The following SULF1 variants were observed in gnomAD, a reference collection of about 807,000 sequenced individuals.
SULF1 encodes sulfatase 1, also known as extracellular sulfatase Sulf-1.
SULF1 carries 46 observed loss-of-function variants against 110.5 expected under a neutral mutation model. The observed-to-expected ratio is 0.42, with a 90% CI of 0.33 to 0.53. SULF1 has a LOEUF of 0.53. SULF1 is among the 20% of genes least tolerant of loss of function. The pLI is 0.12. For missense variants in SULF1, 941 were observed against 1,094.2 expected (o/e 0.86, Z 1.98); for synonymous variants, 371 against 387.1 (o/e 0.96, Z 0.49).
At chr8:69,514,761 C>T (rs533021769) in intron 3 of SULF1, among the ~76,000 whole-genome samples, 1 of 152,292 alleles carries the variant, frequency 6.6e-6, no homozygotes, top group African/African-American at 2.4e-5. Flanking sequence ...TGGGTAAATG[C>T]TCATGTTCCA....
chr8:69,520,725 A>G lies in SULF1; in HGVS notation c.-134+18757A>G, dbSNP rs116754994. 7.0e-3 allele frequency among the ~76,000 whole-genome samples: 1,070 copies of G among 152,282 alleles called. 18 individuals carry two copies. The highest frequency in any genetic ancestry group is 0.024 in the African/African-American group (1,016 of 41,554). On this transcript the variant is annotated intron_variant, in intron 3 of 22. Transcript: ENST00000402687. ...AGGCTTTGCCAAAGCCTTAGGTTCC[A>G]CCTGGTTTGGGGTTGAAACCACATG...
chr8:69,588,354 A>C (rs2150770036), intron 7 of SULF1, among the ~76,000 whole-genome samples: 1 of 152,296 alleles, frequency 6.6e-6, no homozygotes, highest in South Asian at 2.1e-4. Flanking sequence ...GTTTCAAGTA[A>C]ATTAACTGAT....
intron 3 of SULF1, among the ~76,000 whole-genome samples, chr8:69,537,703 C>T (rs1011503927): frequency 1.3e-5 from 2 of 152,146 alleles, no homozygotes; most frequent in Non-Finnish European, 2.9e-5. Flanking sequence ...TGTCAGGGGA[C>T]ACTGAGGCTA....
upstream of SULF1, chr8:69,492,702 A>T (rs896808195): frequency 6.6e-6 from 1 of 152,384 alleles, no homozygotes; most frequent in Non-Finnish European, 1.5e-5. Flanking sequence ...CCGTGTCCCG[A>T]AATTCACCCT....
intron 3 of SULF1, among the ~76,000 whole-genome samples, chr8:69,540,190 C>T (rs1374944804): frequency 6.6e-6 from 1 of 152,078 alleles, no homozygotes; most frequent in Non-Finnish European, 1.5e-5. Context: ...CATATGGCCA[C>T]CAGATTCATC....
At chr8:69,500,780 GGGTGGCATAAAACTAGC>G (rs1439766575) in intron 2 of SULF1, among the ~76,000 whole-genome samples, 1 of 152,164 alleles carries the variant, frequency 6.6e-6, no homozygotes, top group East Asian at 1.9e-4. Context: ...ACATTGCAGA[GGGTGGCATAAAACTAGC>G]GGCGGCGGAG....
At chr8:69,485,475 T>A (rs1002434854) in intron 1 of SULF1, among the ~76,000 whole-genome samples, 1 of 152,200 alleles carries the variant, frequency 6.6e-6, no homozygotes, top group Non-Finnish European at 1.5e-5. Context: ...CTGTTGTCAC[T>A]CCCTTGGCTG....
chr8:69,545,049 T>C (rs1364909928), intron 3 of SULF1, among the ~76,000 whole-genome samples: 3 of 151,662 alleles, frequency 2.0e-5, no homozygotes, highest in Non-Finnish European at 2.9e-5. Context: ...TAAAATATAC[T>C]TGAATCCTAA....
Position 69,642,447 on chromosome 8 carries a change from G to T in SULF1, c.2585+1606G>T, listed in dbSNP as rs183328208. On this transcript the variant is annotated intron_variant, in intron 22 of 22. Transcript: ENST00000402687. ...TTTTCTCTTGTTCTTCATCTTAACT[G>T]TCCTCAATCTGCCCCACACCAACCC... is the stretch of plus-strand genomic sequence containing the variant. The T allele has an allele frequency of 6.2e-5, 60 of 971,110 alleles. 1 individual carries two copies. The Middle Eastern group carries it at 2.1e-3, about 34-fold the overall frequency. The allele number at this position is 971,110 out of a possible 1,614,324, so 60.2% of individuals were successfully genotyped here.
intron 13 of SULF1, among the ~76,000 whole-genome samples, chr8:69,616,104 TATATGTGTGTGTATATATAATGTG>T (rs1307286164): frequency 3.7e-5 from 5 of 136,662 alleles, no homozygotes; most frequent in Non-Finnish European, 8.2e-5. Context: ...TATACACACA[TATATGTGTGTGTATATATAATGTG>T]TATATATATA....
intron 3 of SULF1, among the ~76,000 whole-genome samples, chr8:69,514,415 G>A (rs1046867856): frequency 6.6e-6 from 1 of 152,120 alleles, no homozygotes; most frequent in Non-Finnish European, 1.5e-5. Flanking sequence ...CAGCAAGGGG[G>A]AAATTCACCC....
At chr8:69,631,000 G>C (rs957669210) in intron 19 of SULF1, among the ~76,000 whole-genome samples, 15 of 151,718 alleles carry the variant, frequency 9.9e-5, no homozygotes, top group Admixed American at 3.9e-4. Context: ...CCCGGTGTGT[G>C]ATGTTCCTCT....
rs141225696 is a variant in SULF1, at chr8:69,554,978, CAAAAAAA to C, written c.-133-8547_-133-8541del. Among the ~76,000 whole-genome samples, 133 of 63,486 alleles carry C rather than the reference CAAAAAAA, an allele frequency of 2.1e-3. 3 individuals carry two copies. The highest frequency in any genetic ancestry group is 0.012 in the African/African-American group (120 of 10,064). The allele number at this position is 63,486 out of a possible 152,430, so 41.6% of individuals were successfully genotyped here. A position where few individuals can be genotyped will look rare whatever the true frequency, so the allele number is the denominator to read the frequency against. On this transcript the variant is annotated intron_variant, in intron 3 of 22. Transcript: ENST00000402687. Reference sequence around the variant, plus strand: ...TGGGCGACAGGGCGAGATTCCATCTCAAAAAAAAAAAAAAAAAAAACAAAAAAAAAAA... The same window carrying C: ...TGGGCGACAGGGCGAGATTCCATCTCAAAAAAAAAAAAACAAAAAAAAAAA...
intron 3 of SULF1, among the ~76,000 whole-genome samples, chr8:69,549,191 G>C (rs1814513201): frequency 6.6e-6 from 1 of 152,222 alleles, no homozygotes; most frequent in South Asian, 2.1e-4. Flanking sequence ...ACAGCTTGGA[G>C]CAGCATGGAG....
intron 13 of SULF1, among the ~76,000 whole-genome samples, chr8:69,608,068 G>T (rs1469410449): frequency 6.6e-6 from 1 of 152,128 alleles, no homozygotes; most frequent in Non-Finnish European, 1.5e-5. Flanking sequence ...TCACCTAAAG[G>T]TTGTTTGGTG....
intron 3 of SULF1, among the ~76,000 whole-genome samples, chr8:69,503,048 C>T (rs1045795526): frequency 1.5e-4 from 23 of 152,178 alleles, no homozygotes; most frequent in African/African-American, 4.6e-4. Flanking sequence ...GTCCTGTAAT[C>T]ACCAAAACTT....
At chr8:69,500,197 C>A (rs972310018) in intron 2 of SULF1, among the ~76,000 whole-genome samples, 2 of 152,174 alleles carry the variant, frequency 1.3e-5, no homozygotes, top group South Asian at 4.1e-4. Context: ...AAAAATCAGT[C>A]CAAGTAATAA....
At chr8:69,629,156 C>T (rs145698808) in intron 18 of SULF1, among the ~76,000 whole-genome samples, 1 of 152,106 alleles carries the variant, frequency 6.6e-6, no homozygotes, top group Non-Finnish European at 1.5e-5. Flanking sequence ...GCCTCATCCT[C>T]CCTAGTAGCT....
In SULF1 at chr8:69,604,844, A is replaced by C. The variant is rs767366122; in HGVS notation, c.1289A>C (p.Gln430Pro). 1.2e-5 allele frequency: 19 copies of C among 1,614,094 alleles called. No individual in the cohort carries two copies. In the East Asian group the frequency reaches 4.0e-4, roughly 34 times the overall value. The stretch of plus-strand genomic sequence containing the variant: ...AAGGAAGAATCCAGCAAGAATATCC[A>C]ACAGTCAAATCACTTGCCCAAATAT... ...RKKEESSKNI[Q>P]QSNHLPKYER... is the part of the protein sequence containing the mutation. The change falls in exon 13 of 23, where the codon CAA becomes CCA. Residue 430 changes from glutamine to proline, a missense_variant. Gln to Pro is a moderately conservative substitution (Grantham distance 76). Transcript: ENST00000402687.
Sources: allele counts gnomAD v4.1 joint callset (sites outside exome capture counted in the v4.1 genomes callset), GRCh38; gene constraint gnomAD v4.1.1; transcripts MANE v1.5; gene names NCBI Gene and HGNC (gene_info 2026-07-23, HGNC 2026-07-21).